Variants in EME2 observed in about 807,000 individuals in gnomAD.
The protein encoded by EME2 is structure-specific endonuclease subunit EME2.
A neutral mutation model predicts 41.9 loss-of-function variants in EME2; 58 were observed. The ratio of observed to expected loss-of-function variants is 1.38; its 90% CI spans 1.12 to 1.72. EME2 has a LOEUF of 1.72. Ranked by LOEUF, EME2 falls within the 40% of genes most tolerant of loss-of-function variation. The probability of loss-of-function intolerance (pLI) is 0.00; values close to 1 mark genes in which losing one functional copy is unlikely to be tolerated. For missense variants in EME2, 695 were observed against 541.9 expected (o/e 1.28, Z -2.81); for synonymous variants, 334 against 239.3 (o/e 1.40, Z -3.65).
At position 1,773,770 on chromosome 16, in the gene EME2, C is replaced by T; in HGVS notation, c.313C>T (p.Arg105Cys). ...EALEALGCECRIEPQRPARSL... is the reference protein window; with the variant it reads ...EALEALGCECCIEPQRPARSL... ...CCTGGAGGCCCTGGGCTGCGAGTGC[C>T]GCATCGAGCCCCAGCGCCCGGCCCG... The change falls in exon 2 of 8, where the codon CGC becomes TGC. Residue 105 changes from arginine to cysteine, a missense_variant. By Grantham distance (180) the Arg-to-Cys change is radical. Transcript: ENST00000568449. 1 of 1,551,216 alleles carries T rather than the reference C, an allele frequency of 6.4e-7. No homozygotes were observed. Among genetic ancestry groups the T allele is most frequent in the Non-Finnish European group, 8.7e-7 (1 of 1,148,808 alleles).
chr16:1,773,622 T>G (rs1416331903), intron 1 of EME2, 83 bp from the exon 2 acceptor site: 5 of 1,541,394 alleles, frequency 3.2e-6, no homozygotes, highest in African/African-American at 1.4e-5. Flanking sequence ...GAATGGAGAC[T>G]CCCCGGTCCG....
intron 1 of EME2, 114 bp from the exon 2 acceptor site, chr16:1,773,591 T>A: frequency 6.6e-7 from 1 of 1,521,750 alleles, no homozygotes; most frequent in South Asian, 1.2e-5. Context: ...CGGGCCCGCC[T>A]CCCAGTCGGG....
At chr16:1,773,509 G>A (rs759739856) in intron 1 of EME2, 35 bp downstream of exon 1, 76 of 1,568,502 alleles carry the variant, frequency 4.8e-5, no homozygotes, top group Non-Finnish European at 5.7e-5. Context: ...CTCGGGGTAG[G>A]AAAGGCCTTT....
chr16:1,775,288 C>T (rs138651735), intron 4 of EME2, 27 bp from the exon 5 acceptor site: 30 of 1,605,080 alleles, frequency 1.9e-5, no homozygotes, highest in African/African-American at 1.5e-4. Context: ...CCATGGGGAG[C>T]GGGGAGGAAT....
rs1013480461 is a variant in EME2, at chr16:1,776,430, G to A, written c.*192G>A. ...GGTAGCTGGGAGAAGAGGGGCTTCT[G>A]GCTGGCAGATGGCTGGCGGTTCCTG... On this transcript the variant is annotated 3_prime_UTR_variant, in exon 8 of 8. Coordinates refer to ENST00000568449, the MANE Select transcript of EME2 (RefSeq NM_001257370.2). 1.2e-5 allele frequency: 7 copies of A among 581,376 alleles called. No individual in the cohort carries two copies. The Admixed American group carries it at 1.9e-4, about 16-fold the overall frequency. 36.0% of individuals were successfully genotyped at this position (581,376 alleles called of 1,614,324 possible).
Position 1,773,837 on chromosome 16 carries a change from G to A in EME2, c.380G>A (p.Arg127His), listed in dbSNP as rs2141981164. 6.5e-7 allele frequency: 1 copy of A among 1,541,564 alleles called. No individual in the cohort carries two copies. The highest frequency in any genetic ancestry group is 8.7e-7 in the Non-Finnish European group (1 of 1,148,168). ...WTRASPDPCP[R>H]SLPPEVWAAG... ...CGAGCGAGTCCCGACCCCTGCCCCC[G>A]CAGCGTGAGTGGTCGCGGGTTCCCG... The change falls in exon 2 of 8, where the codon CGC (arginine) becomes CAC (histidine). Residue 127 changes from arginine (R) to histidine (H), a missense_variant. Coordinates refer to ENST00000568449, the MANE Select transcript of EME2 (RefSeq NM_001257370.2).
rs145356641 is a variant in EME2, at chr16:1,775,667, C to T, written c.762C>T (p.Leu254=). Residue 254 remains leucine, a synonymous_variant, in exon 6 of 8, where the codon CTC becomes CTT. Coordinates refer to ENST00000568449, the MANE Select transcript of EME2 (RefSeq NM_001257370.2). The part of the protein sequence containing the change: ...SRHVCAVTKA[L]AQYPLKQYRE... Reference sequence around the variant, plus strand: ...ACGTGTGCGCCGTTACCAAGGCTCTCGCCCAGTATCCCCTCAAGTGCGTGA... The same window carrying T: ...ACGTGTGCGCCGTTACCAAGGCTCTTGCCCAGTATCCCCTCAAGTGCGTGA... 134 of 1,612,930 alleles carry T rather than the reference C, an allele frequency of 8.3e-5. No individual in the cohort carries two copies. Among genetic ancestry groups the T allele is most frequent in the African/African-American group, 2.9e-4 (22 of 75,062 alleles).
At position 1,781,234 on chromosome 16, in the gene EME2, G is replaced by A. The variant is rs779851712; in HGVS notation, c.*4996G>A. 1 of 1,592,278 alleles carries A rather than the reference G, an allele frequency of 6.3e-7. No individual in the cohort carries two copies. Among genetic ancestry groups the A allele is most frequent in the Non-Finnish European group, 8.5e-7 (1 of 1,174,708 alleles). On this transcript the variant is annotated 3_prime_UTR_variant, in exon 8 of 8. Coordinates refer to ENST00000568449, the MANE Select transcript of EME2 (RefSeq NM_001257370.2). ...AGGAGACAGGCCCAGGTTTGGACTG[G>A]TCCTCTAGCCTCAGAAGCATCTTTT... is the stretch of plus-strand genomic sequence containing the variant.
Position 1,772,970 on chromosome 16 carries a change from C to T in EME2, c.-258C>T. 2 of 1,447,922 alleles carry T rather than the reference C, an allele frequency of 1.4e-6. No homozygotes were observed. The highest frequency in any genetic ancestry group is 9.1e-7 in the Non-Finnish European group (1 of 1,103,172). 89.7% of individuals were successfully genotyped at this position (1,447,922 alleles called of 1,614,324 possible). ...GCACGTCGGCCCAGGCCCGGACCGG[C>T]AGCCGGCGTCCAGAGAACGGCCGCG... On this transcript the variant is annotated 5_prime_UTR_variant, in exon 1 of 8. Coordinates refer to ENST00000568449, the MANE Select transcript of EME2 (RefSeq NM_001257370.2).
intron 7 of EME2, 39 bp from the exon 8 acceptor site, chr16:1,776,029 C>G (rs371864567): frequency 2.5e-6 from 4 of 1,604,820 alleles, no homozygotes; most frequent in African/African-American, 2.7e-5. Context: ...GCAGAAGCCC[C>G]GTCCCCAGGC....
Position 1,776,051 on chromosome 16 carries a change from C to T in EME2, c.970-17C>T. On this transcript the variant is annotated splice_polypyrimidine_tract_variant and intron_variant, in intron 7 of 7. Transcript: ENST00000568449. ...CCCCGTCCCCAGGCGCCCTCTCATG[C>T]CTTTGCCTGCTCCTAGGCGCTGGAG... 2 of 1,606,222 alleles carry T rather than the reference C, an allele frequency of 1.2e-6. No homozygotes were observed. The highest frequency in any genetic ancestry group is 1.7e-6 in the Non-Finnish European group (2 of 1,177,110).
Position 1,777,995 on chromosome 16 carries a change from G to A in EME2, c.*1757G>A, listed in dbSNP as rs751219264. On this transcript the variant is annotated 3_prime_UTR_variant, in exon 8 of 8. Coordinates refer to ENST00000568449, the MANE Select transcript of EME2 (RefSeq NM_001257370.2). ...CCTCATCCCTGCCCAGCAGGCTGCA[G>A]AACGTGTGGCGGTATTTGTCCAGGT... 3.1e-6 allele frequency: 5 copies of A among 1,613,216 alleles called. No individual in the cohort carries two copies. Among genetic ancestry groups the A allele is most frequent in the Non-Finnish European group, 4.2e-6 (5 of 1,179,968 alleles).
In EME2 at chr16:1,776,309, AC is replaced by A; in HGVS notation, c.*76del. The A allele has an allele frequency of 2.0e-6, 3 of 1,493,238 alleles. No homozygotes were observed. The highest frequency in any genetic ancestry group is 2.4e-5 in the South Asian group (2 of 82,910). The allele number at this position is 1,493,238 out of a possible 1,614,324, so 92.5% of individuals were successfully genotyped here. ...CAGACACCCTGGGCGGTGGGGGAGG[AC>A]CCCCAGCCACATGTGGACCCTCAGC... is the stretch of plus-strand genomic sequence containing the variant. On this transcript the variant is annotated 3_prime_UTR_variant, in exon 8 of 8. Coordinates refer to ENST00000568449, the MANE Select transcript of EME2 (RefSeq NM_001257370.2).
rs756619838 is a variant in EME2, at chr16:1,778,584, T to C, written c.*2346T>C. 6.3e-7 allele frequency: 1 copy of C among 1,584,262 alleles called. No individual in the cohort carries two copies. Among genetic ancestry groups the C allele is most frequent in the East Asian group, 2.3e-5 (1 of 44,292 alleles). On this transcript the variant is annotated 3_prime_UTR_variant, in exon 8 of 8. Transcript: ENST00000568449. ...GGGGATGGATGGCGGCAGCGTGGAG[T>C]ACTCGGGGTCGGAGTCCGAGTCGCT...
rs1252403475 is a variant in EME2, at chr16:1,780,785, C to T, written c.*4547C>T. The stretch of plus-strand genomic sequence containing the variant: ...TCTAGCTCTGTCACCCAGGCTGGAA[C>T]GCACTGGTGTGATCACGGCTCACTG... On this transcript the variant is annotated 3_prime_UTR_variant, in exon 8 of 8. Transcript: ENST00000568449. 2.1e-5 allele frequency: 4 copies of T among 189,824 alleles called. No homozygotes were observed. The highest frequency in any genetic ancestry group is 4.7e-5 in the African/African-American group (2 of 42,112). 11.8% of individuals were successfully genotyped at this position (189,824 alleles called of 1,614,324 possible). A position where few individuals can be genotyped will look rare whatever the true frequency, so the allele number is the denominator to read the frequency against.
Position 1,778,781 on chromosome 16 carries a change from C to T in EME2, c.*2543C>T, listed in dbSNP as rs139451603. ...GCGCACAGCCCAGGCTCCCTCCCAA[C>T]GGGCTCCGGCTCTGCCCCATTCTGC... On this transcript the variant is annotated 3_prime_UTR_variant, in exon 8 of 8. Coordinates refer to ENST00000568449, the MANE Select transcript of EME2 (RefSeq NM_001257370.2). 29 of 665,156 alleles carry T rather than the reference C, an allele frequency of 4.4e-5. No homozygotes were observed. The highest frequency in any genetic ancestry group is 8.7e-4 in the Middle Eastern group (2 of 2,306). 41.2% of individuals were successfully genotyped at this position (665,156 alleles called of 1,614,324 possible). A position where few individuals can be genotyped will look rare whatever the true frequency, so the allele number is the denominator to read the frequency against.
chr16:1,781,483 T>C lies in EME2; in HGVS notation c.*5245T>C, dbSNP rs755729447. 1.2e-6 allele frequency: 2 copies of C among 1,611,888 alleles called. No individual in the cohort carries two copies. Among genetic ancestry groups the C allele is most frequent in the Non-Finnish European group, 1.7e-6 (2 of 1,179,570 alleles). On this transcript the variant is annotated 3_prime_UTR_variant, in exon 8 of 8. Coordinates refer to ENST00000568449, the MANE Select transcript of EME2 (RefSeq NM_001257370.2). The stretch of plus-strand genomic sequence containing the variant: ...CTGCTGTTCCGGGGGCGTCTGGCCA[T>C]GGTGGAAAGAATCTAGAAGAAAACA...
In EME2 at chr16:1,775,875, C is replaced by T. The variant is rs771091173; in HGVS notation, c.858C>T (p.Gly286=). The change falls in exon 7 of 8, where the codon GGC becomes GGT. Residue 286 remains glycine (G), a synonymous_variant. Transcript: ENST00000568449. ...CCGGCGAGCCAGTGGCAAGAGACGG[C>T]GCAGGGCTGCAGGCGGCCTGGCGGA... ...WAAGEPVARD[G]AGLQAAWRRQ... is the part of the protein sequence containing the mutation. 3.1e-5 allele frequency: 50 copies of T among 1,612,458 alleles called. No individual in the cohort carries two copies. The highest frequency in any genetic ancestry group is 1.9e-4 in the South Asian group (17 of 91,078).
Position 1,776,919 on chromosome 16 carries a change from G to T in EME2, c.*681G>T, listed in dbSNP as rs762528369. 60 of 705,620 alleles carry T rather than the reference G, an allele frequency of 8.5e-5. No homozygotes were observed. The highest frequency in any genetic ancestry group is 1.3e-4 in the Non-Finnish European group (56 of 436,412). 43.7% of individuals were successfully genotyped at this position (705,620 alleles called of 1,614,324 possible). A position where few individuals can be genotyped will look rare whatever the true frequency, so the allele number is the denominator to read the frequency against. On this transcript the variant is annotated 3_prime_UTR_variant, in exon 8 of 8. Coordinates refer to ENST00000568449, the MANE Select transcript of EME2 (RefSeq NM_001257370.2). ...TTCCCCACCCAGCACAGCAGCAGAG[G>T]GGCCCTAGAGCCCCCACAGAAAGGA...
Sources: allele counts gnomAD v4.1 joint callset, GRCh38; gene constraint gnomAD v4.1.1; transcripts MANE v1.5; gene names NCBI Gene and HGNC (gene_info 2026-07-23, HGNC 2026-07-21).